The following SOX5 variants were observed in gnomAD, a reference collection of about 807,000 sequenced individuals.
The protein encoded by SOX5 is SRY-box transcription factor 5, also known as transcription factor SOX-5.
In SOX5, 9 loss-of-function variants were observed where a neutral mutation model predicts 92.0. The observed-to-expected ratio is 0.10, with a 90% confidence interval of 0.06 to 0.17. SOX5 has a LOEUF of 0.17. SOX5 is among the 10% of genes least tolerant of loss of function. SOX5 has a pLI of 1.00. For missense variants in SOX5, 642 were observed against 944.5 expected (o/e 0.68, Z 4.20); for synonymous variants, 344 against 336.3 (o/e 1.02, Z -0.25).
At chr12:23,979,707 G>T (rs12304464) in intron 4 of SOX5, among the ~76,000 whole-genome samples, 57,646 of 76,812 alleles carry the variant, frequency 0.75, 20,710 homozygotes, top group East Asian at 0.9. Flanking sequence ...TGTTTTTTTT[G>T]TTTTTTTTTT....
chr12:23,559,283 T>C (rs930526724), intron 11 of SOX5, among the ~76,000 whole-genome samples: 4 of 152,224 alleles, frequency 2.6e-5, no homozygotes, highest in Non-Finnish European at 5.9e-5. Context: ...CCTTCATACC[T>C]GAGAAGCTCA....
intron 6 of SOX5, among the ~76,000 whole-genome samples, chr12:23,718,104 A>AT (rs979358827): frequency 3.3e-5 from 5 of 152,170 alleles, no homozygotes; most frequent in Non-Finnish European, 5.9e-5. Context: ...AAAGGAGTAT[A>AT]TTTTTTAAAA....
intron 2 of SOX5, among the ~76,000 whole-genome samples, chr12:24,281,525 G>C (rs560562058): frequency 1.3e-5 from 2 of 152,310 alleles, no homozygotes; most frequent in Admixed American, 1.3e-4. Flanking sequence ...TAAACAAATG[G>C]CAAATTTGTG....
chr12:24,521,901 T>C (rs1950295205), intron 1 of SOX5, among the ~76,000 whole-genome samples: 1 of 149,860 alleles, frequency 6.7e-6, no homozygotes, highest in African/African-American at 2.5e-5. Context: ...CTCCAAGAAA[T>C]GTAAAACCAA....
At chr12:23,840,479 T>C (rs142261833) in intron 3 of SOX5, among the ~76,000 whole-genome samples, 22 of 152,232 alleles carry the variant, frequency 1.4e-4, no homozygotes, top group East Asian at 1.2e-3. Flanking sequence ...ATCAACAAAT[T>C]GATTCTAAAG....
intron 3 of SOX5, among the ~76,000 whole-genome samples, chr12:23,804,966 T>C (rs2095741738): frequency 1.5e-4 from 1 of 6,650 alleles, no homozygotes; most frequent in Non-Finnish European, 4.6e-4. Flanking sequence ...TATATATATA[T>C]ATTCCTTTAA....
At chr12:24,207,997 T>A (rs1308056340) in intron 4 of SOX5, among the ~76,000 whole-genome samples, 1 of 152,174 alleles carries the variant, frequency 6.6e-6, no homozygotes, top group South Asian at 2.1e-4. Flanking sequence ...AAAAACAAAC[T>A]GCTTTTTGTG....
chr12:23,598,590 G>T (rs754115052), intron 9 of SOX5, among the ~76,000 whole-genome samples: 1 of 151,536 alleles, frequency 6.6e-6, no homozygotes, highest in Non-Finnish European at 1.5e-5. Context: ...TAGTAGAGAT[G>T]GGGTTTCACC....
chr12:23,779,489 A>T (rs1248472461), intron 3 of SOX5, among the ~76,000 whole-genome samples: 1 of 151,234 alleles, frequency 6.6e-6, no homozygotes, highest in Non-Finnish European at 1.5e-5. Flanking sequence ...AAAATAACCA[A>T]TCATGGTTAG....
At chr12:23,549,410 TACTC>T (rs1943755483) in intron 11 of SOX5, among the ~76,000 whole-genome samples, 1 of 151,964 alleles carries the variant, frequency 6.6e-6, no homozygotes, top group African/African-American at 2.4e-5. Context: ...AAAATCATGT[TACTC>T]AAGAGTTTCT....
intron 3 of SOX5, among the ~76,000 whole-genome samples, chr12:24,249,225 GCTTGCACTTGCCCTCCTAA>G (rs1324633889): frequency 6.6e-6 from 1 of 152,154 alleles, no homozygotes; most frequent in African/African-American, 2.4e-5. Flanking sequence ...CCTTTCATAG[GCTTGCACTTGCCCTCCTAA>G]CCTAACTCCT....
chr12:23,737,832 T>C (rs9971802), intron 5 of SOX5, among the ~76,000 whole-genome samples: 3,381 of 152,302 alleles, frequency 0.022, 122 homozygotes, highest in African/African-American at 0.076. Context: ...GACAGCCCCA[T>C]GGCTCACTCC....
intron 2 of SOX5, among the ~76,000 whole-genome samples, chr12:24,341,587 C>T (rs187147173): frequency 3.3e-5 from 5 of 152,180 alleles, no homozygotes; most frequent in South Asian, 2.1e-4. Flanking sequence ...TGCTTTCAGA[C>T]GATACTGACC....
intron 9 of SOX5, chr12:23,584,684 A>G: frequency 1.9e-6 from 2 of 1,039,598 alleles, no homozygotes; most frequent in South Asian, 1.3e-5. Flanking sequence ...AGATGAGTGA[A>G]GGCCAAATTG....
In SOX5 at chr12:23,533,319, C is replaced by A. The variant is rs767902277; in HGVS notation, c.*900G>T. 2.0e-5 allele frequency: 7 copies of A among 352,436 alleles called. No individual in the cohort carries two copies. The highest frequency in any genetic ancestry group is 1.3e-4 in the South Asian group (6 of 46,740). The allele number at this position is 352,436 out of a possible 1,614,324, so 21.8% of individuals were successfully genotyped here. A position where few individuals can be genotyped will look rare whatever the true frequency, so the allele number is the denominator to read the frequency against. On this transcript the variant is annotated 3_prime_UTR_variant, in exon 15 of 15. Coordinates refer to ENST00000451604, the MANE Select transcript of SOX5 (RefSeq NM_006940.6). ...ATTTCTTATGTCTCTCTCTCTCTCT[C>A]TCTTTTCACCTGAGAACAGCACCTA...
intron 3 of SOX5, among the ~76,000 whole-genome samples, chr12:23,840,369 G>C (rs960528401): frequency 6.6e-6 from 1 of 152,088 alleles, no homozygotes; most frequent in African/African-American, 2.4e-5. Flanking sequence ...TTATGTTCAT[G>C]AATATGATAA....
intron 2 of SOX5, among the ~76,000 whole-genome samples, chr12:23,884,959 C>T (rs774579490): frequency 6.6e-6 from 1 of 152,184 alleles, no homozygotes; most frequent in South Asian, 2.1e-4. Context: ...TGAAGATCGG[C>T]TATAAGATAT....
intron 4 of SOX5, among the ~76,000 whole-genome samples, chr12:24,080,061 T>C (rs1024339596): frequency 1.3e-5 from 2 of 151,946 alleles, no homozygotes; most frequent in African/African-American, 4.8e-5. Context: ...AACAATTATA[T>C]ATTGTTTTAA....
intron 4 of SOX5, among the ~76,000 whole-genome samples, chr12:24,080,487 A>G (rs951269207): frequency 1.3e-5 from 2 of 152,074 alleles, no homozygotes; most frequent in African/African-American, 4.8e-5. Flanking sequence ...AATTTGGCTT[A>G]GTTGACTTTA....
Sources: gnomAD v4.1 joint callset for allele counts (sites outside exome capture counted in the v4.1 genomes callset) on GRCh38, gnomAD v4.1.1 for gene constraint, MANE v1.5 for transcripts, NCBI Gene and HGNC (gene_info 2026-07-23, HGNC 2026-07-21) for gene names.